The following IL1RAPL2 variants were observed in gnomAD, a reference collection of about 807,000 sequenced individuals.
The protein encoded by IL1RAPL2 is interleukin 1 receptor accessory protein like 2, also known as X-linked interleukin-1 receptor accessory protein-like 2.
Under a neutral mutation model 44.1 loss-of-function variants are expected in IL1RAPL2, and 3 were observed. The ratio of observed to expected loss-of-function variants is 0.07; its 90% CI spans 0.03 to 0.18. IL1RAPL2 has a LOEUF of 0.18. Among genes scored for constraint, IL1RAPL2 ranks in the 10% least tolerant of loss-of-function variants. The pLI, the probability that IL1RAPL2 is intolerant of heterozygous loss-of-function variation, is 1.00. For synonymous variants in IL1RAPL2, 181 were observed against 178.8 expected (o/e 1.01, Z -0.10); for missense variants, 391 against 496.4 (o/e 0.79, Z 2.02).
At chrX:104,896,190 T>C (rs1237266225) in intron 2 of IL1RAPL2, among the ~76,000 whole-genome samples, 1 of 112,171 alleles carries the variant, frequency 8.9e-6, no homozygotes, top group Non-Finnish European at 1.9e-5. Context: ...ATTGCAGCCA[T>C]CTTGCTATTA....
intron 2 of IL1RAPL2, among the ~76,000 whole-genome samples, chrX:105,026,060 G>T: frequency 1.8e-5 from 2 of 110,691 alleles, no homozygotes; most frequent in Middle Eastern, 4.7e-3. Context: ...AAGCATTGAT[G>T]GGGGAATGGG....
intron 2 of IL1RAPL2, among the ~76,000 whole-genome samples, chrX:104,843,792 C>G (rs1403359045): frequency 1.8e-5 from 2 of 110,040 alleles, no homozygotes; most frequent in African/African-American, 3.3e-5. Context: ...TACCTACCTT[C>G]TGTGTTGGTT....
At chrX:105,406,983 C>T (rs1051072443) in intron 5 of IL1RAPL2, 18 of 1,096,950 alleles carry the variant, frequency 1.6e-5, no homozygotes, top group African/African-American at 7.3e-5. Flanking sequence ...GAGGGTCCAA[C>T]GTGAAGGGAG....
chrX:105,529,736 C>T (rs1263367162), intron 6 of IL1RAPL2, among the ~76,000 whole-genome samples: 1 of 111,683 alleles, frequency 9.0e-6, no homozygotes, highest in Non-Finnish European at 1.9e-5. Context: ...CTTCATTCCG[C>T]CTGTCTCTAT....
chrX:105,123,668 G>A (rs1312717805), intron 2 of IL1RAPL2, among the ~76,000 whole-genome samples: 1 of 111,108 alleles, frequency 9.0e-6, no homozygotes, highest in East Asian at 2.8e-4. Flanking sequence ...TTTTTTGTGG[G>A]TGCCAATGGC....
intron 5 of IL1RAPL2, among the ~76,000 whole-genome samples, chrX:105,457,015 G>T (rs1184912565): frequency 1.1e-5 from 1 of 93,849 alleles, no homozygotes; most frequent in Non-Finnish European, 2.1e-5. Context: ...ATAATTGCTG[G>T]TTATTTATCT....
chrX:105,402,199 A>C (rs2035611061), intron 5 of IL1RAPL2, among the ~76,000 whole-genome samples: 2 of 111,459 alleles, frequency 1.8e-5, no homozygotes, highest in Admixed American at 1.9e-4. Context: ...CTGAAGTAAT[A>C]CAGAGTTGCA....
intron 1 of IL1RAPL2, among the ~76,000 whole-genome samples, chrX:104,657,286 T>C (rs764627111): frequency 2.7e-5 from 3 of 111,448 alleles, no homozygotes; most frequent in Admixed American, 9.6e-5. Flanking sequence ...TATAGATCAA[T>C]GGAACAGAAC....
At chrX:105,575,773 A>AATTTAC (rs1417675265) in intron 6 of IL1RAPL2, among the ~76,000 whole-genome samples, 1 of 112,462 alleles carries the variant, frequency 8.9e-6, no homozygotes, top group Admixed American at 9.4e-5. Context: ...TGACTGAACT[A>AATTTAC]ATTTACATTT....
At chrX:104,859,978 AAGAC>A (rs751427835) in intron 2 of IL1RAPL2, among the ~76,000 whole-genome samples, 8 of 112,224 alleles carry the variant, frequency 7.1e-5, no homozygotes, top group East Asian at 2.8e-4. Context: ...AGTAGTTTCT[AAGAC>A]AGACAGCGTG....
chrX:105,651,383 A>G (rs1043608256), intron 6 of IL1RAPL2, among the ~76,000 whole-genome samples: 1 of 111,782 alleles, frequency 8.9e-6, no homozygotes, highest in Non-Finnish European at 1.9e-5. Context: ...TCAAGAATAC[A>G]TTACTTTAGA....
At chrX:105,340,218 G>T (rs1468389211) in intron 5 of IL1RAPL2, among the ~76,000 whole-genome samples, 2 of 111,203 alleles carry the variant, frequency 1.8e-5, no homozygotes, top group East Asian at 2.9e-4. Context: ...TCATCCTTCT[G>T]ATTGCTCACA....
intron 2 of IL1RAPL2, among the ~76,000 whole-genome samples, chrX:104,949,106 G>T (rs1294922384): frequency 9.0e-6 from 1 of 110,650 alleles, no homozygotes; most frequent in Non-Finnish European, 1.9e-5. Flanking sequence ...TCCTGTTATT[G>T]GTCTATTCAG....
chrX:105,233,339 C>T (rs1234027658), intron 3 of IL1RAPL2, among the ~76,000 whole-genome samples: 1 of 112,055 alleles, frequency 8.9e-6, no homozygotes. Context: ...CAGATATCCT[C>T]TGTATGTTGA....
At chrX:105,377,378 G>C (rs780546966) in intron 5 of IL1RAPL2, among the ~76,000 whole-genome samples, 31 of 109,515 alleles carry the variant, frequency 2.8e-4, no homozygotes, top group Non-Finnish European at 4.6e-4. Flanking sequence ...GTCTGTGTGT[G>C]TGTGTGTGTG....
At chrX:104,696,274 AC>A (rs1240635754) in intron 2 of IL1RAPL2, among the ~76,000 whole-genome samples, 1 of 112,193 alleles carries the variant, frequency 8.9e-6, no homozygotes, top group Non-Finnish European at 1.9e-5. Context: ...AGCAAATTAC[AC>A]AAGGTTAAAC....
chrX:105,348,599 C>T (rs1481736444), intron 5 of IL1RAPL2, among the ~76,000 whole-genome samples: 2 of 111,381 alleles, frequency 1.8e-5, no homozygotes, highest in African/African-American at 6.5e-5. Context: ...TGTTATGAAA[C>T]GCCAGGGGTT....
chrX:104,910,423 G>T (rs1487887414), intron 2 of IL1RAPL2, among the ~76,000 whole-genome samples: 1 of 111,946 alleles, frequency 8.9e-6, no homozygotes, highest in East Asian at 2.8e-4. Context: ...GAATGTGCAG[G>T]TTTATTACAT....
chrX:105,295,559 T>C (rs2034647731), intron 5 of IL1RAPL2, among the ~76,000 whole-genome samples: 1 of 111,732 alleles, frequency 8.9e-6, no homozygotes, highest in Non-Finnish European at 1.9e-5. Context: ...TAGTAGGTTA[T>C]AAATCAGTGT....
Sources: gnomAD v4.1 joint callset for allele counts (sites outside exome capture counted in the v4.1 genomes callset) on GRCh38, gnomAD v4.1.1 for gene constraint, MANE v1.5 for transcripts, NCBI Gene and HGNC (gene_info 2026-07-23, HGNC 2026-07-21) for gene names.